Variants in ARID3B observed in about 807,000 individuals in gnomAD.
The protein encoded by ARID3B is AT-rich interaction domain 3B, also known as AT-rich interactive domain-containing protein 3B.
In ARID3B, 10 loss-of-function variants were observed where a neutral mutation model predicts 51.9. The ratio of observed to expected loss-of-function variants is 0.19; its 90% CI spans 0.12 to 0.33. ARID3B has a LOEUF of 0.33. ARID3B is among the 10% of genes least tolerant of loss of function. ARID3B has a pLI of 1.00. For missense variants in ARID3B, 483 were observed against 716.3 expected, an observed-to-expected ratio of 0.67 and a Z score of 3.72; for synonymous variants, 205 against 279.5, an observed-to-expected ratio of 0.73 and a Z score of 2.66.
chr15:74,552,085 G>A (rs377764192), intron 2 of ARID3B, among the ~76,000 whole-genome samples: 177 of 110,952 alleles, frequency 1.6e-3, no homozygotes, highest in African/African-American at 5.7e-3. Flanking sequence ...TTTCTGAGAC[G>A]GAGTCTCGCT....
chr15:74,552,921 T>G (rs1261024250), intron 2 of ARID3B, among the ~76,000 whole-genome samples: 9 of 152,228 alleles, frequency 5.9e-5, no homozygotes, highest in African/African-American at 2.2e-4. Context: ...TGTGTAGATA[T>G]AAGTTTCAGT....
chr15:74,556,063 A>G lies in ARID3B; in HGVS notation c.552+11575A>G, dbSNP rs546578487. Reference sequence around the variant, plus strand: ...CGCCTCAGCCTCCGAAGGTGCTGGGATTACAGGCTTGAGCCACCGAGCCCG... The same window carrying G: ...CGCCTCAGCCTCCGAAGGTGCTGGGGTTACAGGCTTGAGCCACCGAGCCCG... On this transcript the variant is annotated intron_variant, in intron 2 of 8. Transcript: ENST00000346246. Among the ~76,000 whole-genome samples, 7 of 152,214 alleles carry G rather than the reference A, an allele frequency of 4.6e-5. No homozygotes were observed. The East Asian group carries it at 1.4e-3, about 29-fold the overall frequency.
rs755691793 is a variant in ARID3B at position 74,591,704 on chromosome 15, A to C, written c.1310A>C (p.Lys437Thr). Residue 437 changes from lysine to threonine, a missense_variant, in exon 7 of 9, where the codon AAG becomes ACG. Physicochemically the swap from Lys to Thr is moderately conservative, Grantham distance 78. This residue lies in a region of ARID3B where 265 missense variants were observed against 354.4 expected (regional missense o/e 0.75). Coordinates refer to ENST00000346246, the MANE Select transcript of ARID3B (RefSeq NM_006465.4). This position sits in a 1 kb window ranked among gnomAD's most constrained non-coding sequence, Gnocchi z 5.8. ...GAGTCAGGGGAGCCTGCTGAGAAGA[A>C]GGCATCGAGGCTGTCTGAGGAGGAG... ...RLESGEPAEKKASRLSEEEQR... is the reference protein window; with the variant it reads ...RLESGEPAEKTASRLSEEEQR... The C allele has an allele frequency of 1.2e-6, 2 of 1,613,792 alleles. No homozygotes were observed. The highest frequency in any genetic ancestry group is 1.1e-5 in the South Asian group (1 of 91,036).
intron 4 of ARID3B, among the ~76,000 whole-genome samples, chr15:74,584,594 C>G (rs2061773416): frequency 6.6e-6 from 1 of 152,182 alleles, no homozygotes; most frequent in Admixed American, 6.5e-5. Flanking sequence ...GGCCCATTCT[C>G]TGCAATGGGG....
chr15:74,592,824 T>G (rs2061808844), intron 7 of ARID3B, among the ~76,000 whole-genome samples: 1 of 152,082 alleles, frequency 6.6e-6, no homozygotes, highest in Non-Finnish European at 1.5e-5. Flanking sequence ...TATAGTGTAG[T>G]TCAGGGTTTG....
chr15:74,585,724 T>TAA (rs1183833280), intron 4 of ARID3B, among the ~76,000 whole-genome samples: 1 of 152,232 alleles, frequency 6.6e-6, no homozygotes, highest in Non-Finnish European at 1.5e-5. Context: ...GTTCAGCAGG[T>TAA]AAACTTAGCT....
rs761652462 is a variant in ARID3B at position 74,544,433 on chromosome 15, C to T, written c.497C>T (p.Pro166Leu). The T allele has an allele frequency of 4.5e-5, 72 of 1,614,160 alleles. No homozygotes were observed. The East Asian group carries it at 1.5e-3, about 34-fold the overall frequency. The part of the protein sequence containing the change: ...DHTKDASKAS[P>L]SVSTAGQPNW... ...ACCAAAGATGCTTCCAAGGCCTCACCTTCTGTCTCCACAGCAGGACAGCCG... is the reference window on the plus strand; with the variant it reads ...ACCAAAGATGCTTCCAAGGCCTCACTTTCTGTCTCCACAGCAGGACAGCCG... Residue 166 changes from proline to leucine, a missense_variant, in exon 2 of 9, where the codon CCT becomes CTT. Physicochemically the swap from Pro to Leu is moderately conservative, Grantham distance 98. This residue lies in a region of ARID3B where 182 missense variants were observed against 244.5 expected (regional missense o/e 0.74). Coordinates refer to ENST00000346246, the MANE Select transcript of ARID3B (RefSeq NM_006465.4).
chr15:74,560,655 C>T (rs1036381785), intron 2 of ARID3B, among the ~76,000 whole-genome samples: 3 of 152,170 alleles, frequency 2.0e-5, no homozygotes, highest in Non-Finnish European at 2.9e-5. Flanking sequence ...GTCCTGTTGC[C>T]TGTCCTGTGT....
chr15:74,542,740 G>A (rs943341428), intron 1 of ARID3B, among the ~76,000 whole-genome samples: 2 of 152,168 alleles, frequency 1.3e-5, no homozygotes, highest in African/African-American at 4.8e-5. Context: ...TGCAAGTCCT[G>A]TTCACCTAAA....
At chr15:74,583,683 C>T (rs1056796140) in intron 4 of ARID3B, among the ~76,000 whole-genome samples, 1 of 151,424 alleles carries the variant, frequency 6.6e-6, no homozygotes, top group Non-Finnish European at 1.5e-5. Context: ...CACTACTGCA[C>T]TCCAACCTGG....
At position 74,572,783 on chromosome 15, in the gene ARID3B, CTAAA is replaced by C. The variant is rs1355992640; in HGVS notation, c.553-77_553-74del. 1.1e-5 allele frequency: 15 copies of C among 1,396,376 alleles called. No individual in the cohort carries two copies. The East Asian group carries it at 3.2e-4, about 30-fold the overall frequency. 86.5% of individuals were successfully genotyped at this position (1,396,376 alleles called of 1,614,324 possible). On this transcript the variant is annotated intron_variant, in intron 2 of 8. Transcript: ENST00000346246. Reference sequence around the variant, plus strand: ...ATTGCTAAGCATCTTCATCTTTGCCCTAAATGATTGCCTTGCCCTCTGTCCTAAC... The same window carrying C: ...ATTGCTAAGCATCTTCATCTTTGCCCTGATTGCCTTGCCCTCTGTCCTAAC...
chr15:74,543,166 C>G (rs1236312565), intron 1 of ARID3B, among the ~76,000 whole-genome samples: 2 of 152,190 alleles, frequency 1.3e-5, no homozygotes, highest in African/African-American at 4.8e-5. Context: ...GAGACTCTTG[C>G]CTCCTTGCGT....
chr15:74,593,223 C>T lies in ARID3B; in HGVS notation c.1506C>T (p.Gly502=), dbSNP rs752184293. 10 of 1,612,754 alleles carry T rather than the reference C, an allele frequency of 6.2e-6. No individual in the cohort carries two copies. In the South Asian group the frequency reaches 6.6e-5, roughly 11 times the overall value. ...TTAACATGTCTGTGGACATCGATGG[C>T]ACCACCTATGCAGGTGAGGCCCTGG... The part of the protein sequence containing the change: ...GSINMSVDID[G]TTYAGVLFAQ... Residue 502 remains glycine, a synonymous_variant, in exon 8 of 9, where the codon GGC becomes GGT. Transcript: ENST00000346246.
chr15:74,584,022 C>T (rs186270321), intron 4 of ARID3B, among the ~76,000 whole-genome samples: 2 of 152,148 alleles, frequency 1.3e-5, no homozygotes, highest in Admixed American at 1.3e-4. Context: ...TTTCCCGTTT[C>T]TTTTTCCTTT....
chr15:74,580,010 G>T (rs559211065), intron 4 of ARID3B, among the ~76,000 whole-genome samples: 1 of 152,288 alleles, frequency 6.6e-6, no homozygotes, highest in African/African-American at 2.4e-5. Context: ...GGCCACCATG[G>T]TGAAACCCCA....
At chr15:74,577,370 A>G (rs557700622) in intron 4 of ARID3B, among the ~76,000 whole-genome samples, 1 of 151,916 alleles carries the variant, frequency 6.6e-6, no homozygotes, top group Non-Finnish European at 1.5e-5. Flanking sequence ...CAGGAGAATC[A>G]CTTGAACCCG....
intron 2 of ARID3B, among the ~76,000 whole-genome samples, chr15:74,572,208 T>C (rs1294740619): frequency 6.6e-6 from 1 of 152,228 alleles, no homozygotes; most frequent in Admixed American, 6.5e-5. Flanking sequence ...ATGGTGTTGC[T>C]TCAACCCAAT....
intron 2 of ARID3B, among the ~76,000 whole-genome samples, chr15:74,560,385 A>C (rs1241716950): frequency 1.3e-5 from 2 of 152,150 alleles, no homozygotes. Flanking sequence ...CTTCAGGTGT[A>C]ATTGTTAACA....
intron 8 of ARID3B, among the ~76,000 whole-genome samples, chr15:74,594,257 G>A (rs2061815242): frequency 6.6e-6 from 1 of 152,052 alleles, no homozygotes; most frequent in Non-Finnish European, 1.5e-5. Context: ...GACCATCCTG[G>A]CTAACACAGT....
Sources: gnomAD v4.1 joint callset for allele counts (sites outside exome capture counted in the v4.1 genomes callset) on GRCh38, gnomAD v4.1.1 for gene constraint, gnomAD v4.1.1 regional missense constraint, Gnocchi (gnomAD v3.1) non-coding constraint, MANE v1.5 for transcripts, NCBI Gene and HGNC (gene_info 2026-07-23, HGNC 2026-07-21) for gene names.